COL19A1: variants seen among roughly 807,000 people sequenced by gnomAD.
COL19A1 encodes the protein collagen alpha-1(XIX) chain.
Under a neutral mutation model 190.2 loss-of-function variants are expected in COL19A1, and 159 were observed. That is an observed-to-expected ratio of 0.84 (90% CI 0.73 to 0.95). The LOEUF (loss-of-function observed/expected upper bound fraction) is 0.95, where lower values mean the gene tolerates loss of function less well. COL19A1 is among the 40% of genes least tolerant of loss of function. The pLI is 0.00. For missense variants in COL19A1, 1,418 were observed against 1,431.9 expected (o/e 0.99, Z 0.16); for synonymous variants, 509 against 458.9 (o/e 1.11, Z -1.39).
chr6:70,173,555 T>C (rs1247020824), intron 41 of COL19A1, among the ~76,000 whole-genome samples: 1 of 152,086 alleles, frequency 6.6e-6, no homozygotes, highest in East Asian at 1.9e-4. Context: ...TCAAGTACAA[T>C]GGAGATGGGG....
chr6:70,133,453 C>T (rs1785646587), intron 18 of COL19A1, among the ~76,000 whole-genome samples: 1 of 152,136 alleles, frequency 6.6e-6, no homozygotes. Context: ...ACCAGTCTAC[C>T]AGTGTGGAAA....
chr6:70,158,042 A>C (rs1787550997), intron 34 of COL19A1, among the ~76,000 whole-genome samples: 1 of 152,130 alleles, frequency 6.6e-6, no homozygotes, highest in African/African-American at 2.4e-5. Flanking sequence ...AACACAGTTC[A>C]CAAAATTGTA....
chr6:70,035,918 CCCAGGACCA>C lies in COL19A1; in HGVS notation c.1154_1162del (p.Gly385_Pro387del), dbSNP rs1779330508. 2.5e-6 allele frequency: 4 copies of C among 1,613,342 alleles called. No individual in the cohort carries two copies. The highest frequency in any genetic ancestry group is 2.5e-6 in the Non-Finnish European group (3 of 1,179,438). On this transcript the variant is annotated inframe_deletion, in exon 14 of 51. Transcript: ENST00000620364. ...ATCTATTTTAGGGAGATACAGGACC[CCCAGGACCA>C]CCAGCCTTACCTGTAAGTATTCTTG...
intron 2 of COL19A1, among the ~76,000 whole-genome samples, chr6:69,896,539 G>A (rs1170975252): frequency 4.3e-5 from 2 of 46,050 alleles, no homozygotes; most frequent in African/African-American, 1.6e-4. Flanking sequence ...GCGAGACTCC[G>A]TCTCAAAAAA....
intron 15 of COL19A1, among the ~76,000 whole-genome samples, chr6:70,099,855 A>G (rs1783515027): frequency 6.6e-6 from 1 of 152,184 alleles, no homozygotes; most frequent in Non-Finnish European, 1.5e-5. Context: ...GCCCTCTTCC[A>G]GCATGCACAC....
At chr6:70,068,719 A>G (rs1781390968) in intron 15 of COL19A1, among the ~76,000 whole-genome samples, 1 of 150,906 alleles carries the variant, frequency 6.6e-6, no homozygotes, top group African/African-American at 2.4e-5. Context: ...AATTAGCCCT[A>G]ATTTGATCTA....
At chr6:70,000,578 G>A (rs1364992444) in intron 11 of COL19A1, among the ~76,000 whole-genome samples, 2 of 152,168 alleles carry the variant, frequency 1.3e-5, no homozygotes, top group African/African-American at 4.8e-5. Flanking sequence ...GCATGAGATA[G>A]TATCTCATTG....
At chr6:69,989,553 C>CTTTTT (rs3072698) in intron 11 of COL19A1, among the ~76,000 whole-genome samples, 9,457 of 125,896 alleles carry the variant, frequency 0.075, 473 homozygotes, top group East Asian at 0.19. Flanking sequence ...GAGTTTTTTA[C>CTTTTT]TTTTTTTTTT....
At chr6:69,885,170 G>A (rs1768832257) in intron 2 of COL19A1, among the ~76,000 whole-genome samples, 2 of 152,074 alleles carry the variant, frequency 1.3e-5, no homozygotes. Flanking sequence ...GGCCCCTTTG[G>A]CTCTTTTCAG....
At chr6:69,985,948 T>C (rs1776287109) in intron 11 of COL19A1, among the ~76,000 whole-genome samples, 2 of 152,002 alleles carry the variant, frequency 1.3e-5, no homozygotes. Context: ...CTTTGGAAAA[T>C]ACAGTTCAGG....
At chr6:69,984,279 C>T (rs1375036714) in intron 11 of COL19A1, among the ~76,000 whole-genome samples, 2 of 152,094 alleles carry the variant, frequency 1.3e-5, no homozygotes, top group Non-Finnish European at 2.9e-5. Context: ...CATATTTCCA[C>T]TTCTTCCATC....
intron 9 of COL19A1, among the ~76,000 whole-genome samples, chr6:69,954,457 T>C (rs1425487059): frequency 6.6e-6 from 1 of 151,968 alleles, no homozygotes; most frequent in Non-Finnish European, 1.5e-5. Flanking sequence ...GTTAGAAAAC[T>C]TCGCTGAGGA....
chr6:70,183,197 G>T (rs1000031392), intron 44 of COL19A1, among the ~76,000 whole-genome samples: 7 of 152,166 alleles, frequency 4.6e-5, no homozygotes, highest in African/African-American at 1.7e-4. Context: ...GAACATTTGG[G>T]TTGGAACAAG....
chr6:70,204,252 G>T (rs1767728885), intron 49 of COL19A1, among the ~76,000 whole-genome samples: 1 of 152,184 alleles, frequency 6.6e-6, no homozygotes, highest in African/African-American at 2.4e-5. Context: ...CGCTGAAGAG[G>T]TGAAAAGCTT....
At chr6:70,201,611 G>C (rs1767559052) in intron 49 of COL19A1, among the ~76,000 whole-genome samples, 1 of 152,158 alleles carries the variant, frequency 6.6e-6, no homozygotes, top group East Asian at 1.9e-4. Flanking sequence ...TCTGACAACA[G>C]ACATATCTTG....
At chr6:70,010,501 G>A (rs1476791775) in intron 11 of COL19A1, among the ~76,000 whole-genome samples, 1 of 142,700 alleles carries the variant, frequency 7.0e-6, no homozygotes, top group East Asian at 2.2e-4. Flanking sequence ...CAGTGTGTGT[G>A]CGCACCGTGC....
intron 44 of COL19A1, among the ~76,000 whole-genome samples, chr6:70,181,806 G>A (rs145005612): frequency 6.6e-6 from 1 of 152,196 alleles, no homozygotes; most frequent in East Asian, 1.9e-4. Flanking sequence ...TCAAGCCATG[G>A]GAAGGTCAGA....
intron 11 of COL19A1, among the ~76,000 whole-genome samples, chr6:69,965,141 A>C (rs982042462): frequency 1.3e-5 from 2 of 152,178 alleles, no homozygotes; most frequent in Non-Finnish European, 2.9e-5. Flanking sequence ...TTTGTGGAAA[A>C]CTGAGTATAT....
chr6:69,869,508 A>C (rs1767687588), intron 1 of COL19A1, among the ~76,000 whole-genome samples: 1 of 152,228 alleles, frequency 6.6e-6, no homozygotes, highest in Non-Finnish European at 1.5e-5. Context: ...GTAATTGTGA[A>C]ATTTTAAGAT....
Sources: allele counts gnomAD v4.1 joint callset (sites outside exome capture counted in the v4.1 genomes callset), GRCh38; gene constraint gnomAD v4.1.1; transcripts MANE v1.5; gene names NCBI Gene and HGNC (gene_info 2026-07-23, HGNC 2026-07-21).